CCSER1: variants seen among roughly 807,000 people sequenced by gnomAD.
CCSER1 encodes the protein serine-rich coiled-coil domain-containing protein 1.
CCSER1 carries 41 observed loss-of-function variants against 82.0 expected under a neutral mutation model. The observed-to-expected ratio is 0.50, with a 90% CI of 0.39 to 0.65. CCSER1 has a LOEUF of 0.65. Ranked by LOEUF, CCSER1 falls within the 30% of genes least tolerant of loss-of-function variation. The pLI is 0.00. For missense variants in CCSER1, 1,119 were observed against 1,064.2 expected, an observed-to-expected ratio of 1.05 and a Z score of -0.72; for synonymous variants, 414 against 383.9, an observed-to-expected ratio of 1.08 and a Z score of -0.92.
intron 9 of CCSER1, among the ~76,000 whole-genome samples, chr4:91,019,385 T>A (rs1203588410): frequency 1.3e-5 from 2 of 152,142 alleles, no homozygotes; most frequent in African/African-American, 4.8e-5. Context: ...ACAGAAGACA[T>A]CATCATGACT....
chr4:91,072,999 A>G lies in CCSER1; in HGVS notation c.2173-12951A>G, dbSNP rs560598864. On this transcript the variant is annotated intron_variant, in intron 9 of 10. Coordinates refer to ENST00000509176, the MANE Select transcript of CCSER1 (RefSeq NM_001145065.2). ...GTGAGGATTTTCCATTTTTACAAAG[A>G]CAGAACCTTAAAAGTGAAGCATGGT... Among the ~76,000 whole-genome samples the G allele has an allele frequency of 3.3e-5, 5 of 152,106 alleles. No individual in the cohort carries two copies. In the East Asian group the frequency reaches 9.6e-4, roughly 29 times the overall value.
intron 10 of CCSER1, among the ~76,000 whole-genome samples, chr4:91,570,487 T>C (rs1179247750): frequency 6.6e-6 from 1 of 152,192 alleles, no homozygotes; most frequent in Non-Finnish European, 1.5e-5. Flanking sequence ...GAAATCTAGG[T>C]GGAGGTTCCC....
At chr4:90,225,254 T>G (rs956431506) in intron 1 of CCSER1, among the ~76,000 whole-genome samples, 1 of 93,600 alleles carries the variant, frequency 1.1e-5, no homozygotes, top group Non-Finnish European at 2.1e-5. Flanking sequence ...TTTTTTTTTT[T>G]TTGTAGAGAC....
At chr4:90,683,695 T>G (rs2149192862) in intron 6 of CCSER1, among the ~76,000 whole-genome samples, 1 of 152,256 alleles carries the variant, frequency 6.6e-6, no homozygotes, top group Non-Finnish European at 1.5e-5. Context: ...ATTATAATTT[T>G]ATTTTTAAAC....
chr4:90,962,229 T>C (rs187665485), intron 9 of CCSER1, among the ~76,000 whole-genome samples: 23 of 151,914 alleles, frequency 1.5e-4, no homozygotes, highest in East Asian at 1.4e-3. Flanking sequence ...ATGATGCCAA[T>C]GTAAAAAAAA....
At position 90,782,673 on chromosome 4, in the gene CCSER1, T is replaced by TTTTC. The variant is rs200397721; in HGVS notation, c.2011-33077_2011-33074dup. 3.2e-3 allele frequency among the ~76,000 whole-genome samples: 398 copies of TTTTC among 123,870 alleles called. 4 individuals carry two copies. Among genetic ancestry groups the TTTTC allele is most frequent in the East Asian group, 7.4e-3 (31 of 4,164 alleles). The allele number at this position is 123,870 out of a possible 152,430, so 81.3% of individuals were successfully genotyped here. The stretch of plus-strand genomic sequence containing the variant: ...GAAGTCAAGGACAGGGATTTCTTTC[T>TTTTC]TTTCTTTCTTTCTTTTTTTTTTTTT... On this transcript the variant is annotated intron_variant, in intron 7 of 10. Coordinates refer to ENST00000509176, the MANE Select transcript of CCSER1 (RefSeq NM_001145065.2).
chr4:90,811,024 G>A (rs372675803), intron 7 of CCSER1, among the ~76,000 whole-genome samples: 3 of 151,578 alleles, frequency 2.0e-5, no homozygotes, highest in South Asian at 4.2e-4. Context: ...AGTAGAGACG[G>A]GGTTTCATTG....
At chr4:91,356,317 C>T (rs770017753) in intron 10 of CCSER1, among the ~76,000 whole-genome samples, 3 of 152,220 alleles carry the variant, frequency 2.0e-5, no homozygotes, top group Non-Finnish European at 2.9e-5. Flanking sequence ...TTTTAACTTA[C>T]GAAAAGCTCG....
rs574561884 is a variant in CCSER1 at position 91,468,503 on chromosome 4, TA to T, written c.2218-130059del. Among the ~76,000 whole-genome samples the T allele has an allele frequency of 7.0e-3, 1,012 of 145,592 alleles. 11 individuals are homozygous for T. Among genetic ancestry groups the T allele is most frequent in the African/African-American group, 0.022 (882 of 39,866 alleles). ...TGTACCCTAGAACTTAACATATAATTAAAAAAAAAAGGAAAAATATGGAGGT... is the reference window on the plus strand; with the variant it reads ...TGTACCCTAGAACTTAACATATAATTAAAAAAAAAGGAAAAATATGGAGGT... On this transcript the variant is annotated intron_variant, in intron 10 of 10. Transcript: ENST00000509176.
At chr4:90,338,908 T>C (rs541698483) in intron 3 of CCSER1, among the ~76,000 whole-genome samples, 2 of 152,292 alleles carry the variant, frequency 1.3e-5, no homozygotes, top group East Asian at 3.9e-4. Flanking sequence ...TCCTATGAGT[T>C]CCAATTTGTA....
At chr4:90,740,426 A>T (rs1580242362) in intron 7 of CCSER1, among the ~76,000 whole-genome samples, 1 of 152,224 alleles carries the variant, frequency 6.6e-6, no homozygotes, top group African/African-American at 2.4e-5. Context: ...ATTTTTACAT[A>T]AATTAAAGTC....
chr4:91,149,296 G>C (rs1266951458), intron 10 of CCSER1, among the ~76,000 whole-genome samples: 1 of 152,166 alleles, frequency 6.6e-6, no homozygotes, highest in African/African-American at 2.4e-5. Flanking sequence ...AGAAGTGTCT[G>C]TTCATATCCT....
At chr4:90,422,863 G>A (rs942891978) in intron 4 of CCSER1, among the ~76,000 whole-genome samples, 1 of 152,158 alleles carries the variant, frequency 6.6e-6, no homozygotes, top group Non-Finnish European at 1.5e-5. Flanking sequence ...TGTCCCAAGT[G>A]CAGTACACTC....
chr4:91,025,458 A>G (rs1740405960), intron 9 of CCSER1, among the ~76,000 whole-genome samples: 1 of 152,072 alleles, frequency 6.6e-6, no homozygotes, highest in Non-Finnish European at 1.5e-5. Flanking sequence ...GCACTTTTAG[A>G]TGATGTTATA....
intron 1 of CCSER1, among the ~76,000 whole-genome samples, chr4:90,215,411 T>C (rs1215424275): frequency 6.6e-6 from 1 of 152,222 alleles, no homozygotes; most frequent in Non-Finnish European, 1.5e-5. Flanking sequence ...GTCCTTGACC[T>C]ACTTGTTTAC....
intron 8 of CCSER1, among the ~76,000 whole-genome samples, chr4:90,825,767 G>C (rs1396334604): frequency 7.5e-6 from 1 of 132,524 alleles, no homozygotes; most frequent in Non-Finnish European, 1.5e-5. Flanking sequence ...GTCTCGCTCT[G>C]TCACCAGACT....
At chr4:90,285,159 A>T (rs997113516) in intron 1 of CCSER1, among the ~76,000 whole-genome samples, 3 of 151,752 alleles carry the variant, frequency 2.0e-5, no homozygotes, top group South Asian at 2.1e-4. Flanking sequence ...ATAAATTTTA[A>T]TTTTTTTCTA....
rs998487448 is a variant in CCSER1, at chr4:90,358,424, G to A, written c.1510-41612G>A. On this transcript the variant is annotated intron_variant, in intron 3 of 10. Transcript: ENST00000509176. ...CATTTTCCTCACTTCAAACCTGATA[G>A]TAGTATTGATATTAATTAGTACATG... is the stretch of plus-strand genomic sequence containing the variant. Among the ~76,000 whole-genome samples, 13 of 152,180 alleles carry A rather than the reference G, an allele frequency of 8.5e-5. No homozygotes were observed. In the East Asian group the frequency reaches 2.5e-3, roughly 29 times the overall value.
In CCSER1 at chr4:91,565,048, G is replaced by C. The variant is rs933113450; in HGVS notation, c.2218-33524G>C. Among the ~76,000 whole-genome samples, 93 of 138,928 alleles carry C rather than the reference G, an allele frequency of 6.7e-4. 1 individual carries two copies. Among genetic ancestry groups the C allele is most frequent in the East Asian group, 3.3e-3 (15 of 4,602 alleles). 91.1% of individuals were successfully genotyped at this position (138,928 alleles called of 152,430 possible). A position where few individuals can be genotyped will look rare whatever the true frequency, so the allele number is the denominator to read the frequency against. ...GAGTTGTGTGTGTGTGTGTGTGTGTGTGTGTGTGTGTGTGTGTGTGTGTGT... is the reference window on the plus strand; with the variant it reads ...GAGTTGTGTGTGTGTGTGTGTGTGTCTGTGTGTGTGTGTGTGTGTGTGTGT... On this transcript the variant is annotated intron_variant, in intron 10 of 10. Coordinates refer to ENST00000509176, the MANE Select transcript of CCSER1 (RefSeq NM_001145065.2).
Sources: allele counts gnomAD v4.1 joint callset (sites outside exome capture counted in the v4.1 genomes callset), GRCh38; gene constraint gnomAD v4.1.1; transcripts MANE v1.5; gene names NCBI Gene and HGNC (gene_info 2026-07-23, HGNC 2026-07-21).